Variants in KCNAB1 observed in about 807,000 individuals in gnomAD.
The protein encoded by KCNAB1 is voltage-gated potassium channel subunit beta-1.
In KCNAB1, 35 loss-of-function variants were observed where a neutral mutation model predicts 64.6. The observed-to-expected ratio is 0.54, with a 90% CI of 0.41 to 0.72. The LOEUF (loss-of-function observed/expected upper bound fraction) is 0.72, where lower values mean the gene tolerates loss of function less well. Among genes scored for constraint, KCNAB1 ranks in the 30% least tolerant of loss-of-function variants. KCNAB1 has a pLI of 0.00. For synonymous variants in KCNAB1, 177 were observed against 183.8 expected (o/e 0.96, Z 0.30); for missense variants, 401 against 512.9 (o/e 0.78, Z 2.11).
chr3:156,420,049 A>G (rs934006472), intron 1 of KCNAB1, among the ~76,000 whole-genome samples: 50 of 152,364 alleles, frequency 3.3e-4, no homozygotes, highest in African/African-American at 1.2e-3. Context: ...TATTTTCCAC[A>G]TGCATCTTTA....
intron 1 of KCNAB1, among the ~76,000 whole-genome samples, chr3:156,325,695 G>A (rs978217655): frequency 2.6e-5 from 4 of 152,090 alleles, no homozygotes; most frequent in African/African-American, 9.6e-5. Context: ...GCTCACACCT[G>A]TAATCCCATC....
intron 1 of KCNAB1, among the ~76,000 whole-genome samples, chr3:156,414,668 A>G (rs1238930617): frequency 1.3e-5 from 2 of 152,224 alleles, no homozygotes; most frequent in Non-Finnish European, 2.9e-5. Flanking sequence ...ATTCAAGTTT[A>G]TGTATCCGCA....
At chr3:156,536,118 C>T (rs1454472305) in intron 13 of KCNAB1, among the ~76,000 whole-genome samples, 2 of 152,324 alleles carry the variant, frequency 1.3e-5, no homozygotes, top group Admixed American at 6.5e-5. Context: ...GAATAAATCT[C>T]TCCTTAGTCT....
Position 156,508,463 on chromosome 3 carries a change from A to C in KCNAB1, c.659-5901A>C, listed in dbSNP as rs771301188. 1.3e-5 allele frequency among the ~76,000 whole-genome samples: 2 copies of C among 152,240 alleles called. No individual in the cohort carries two copies. The highest frequency in any genetic ancestry group is 4.8e-5 in the African/African-American group (2 of 41,458). ...CATGTGATCCAATTTAGAAAATTAA[A>C]ATATTGATCAACCAAAATTGTTTTC... On this transcript the variant is annotated intron_variant, in intron 8 of 13. Coordinates refer to ENST00000490337, the MANE Select transcript of KCNAB1 (RefSeq NM_172160.3). The surrounding 1 kb of genome is among the most constrained non-coding windows in gnomAD (Gnocchi z 4.1).
intron 1 of KCNAB1, among the ~76,000 whole-genome samples, chr3:156,140,332 A>G (rs1232911847): frequency 6.6e-6 from 1 of 152,200 alleles, no homozygotes; most frequent in East Asian, 1.9e-4. Flanking sequence ...CATAGACTTA[A>G]TGGCTTAAAC....
At chr3:156,373,316 A>C (rs1272479564) in intron 1 of KCNAB1, among the ~76,000 whole-genome samples, 1 of 152,230 alleles carries the variant, frequency 6.6e-6, no homozygotes, top group African/African-American at 2.4e-5. Flanking sequence ...TCCTGAGACC[A>C]GGGTATATGA....
intron 1 of KCNAB1, among the ~76,000 whole-genome samples, chr3:156,379,407 GT>G (rs1251583765): frequency 6.6e-6 from 1 of 151,978 alleles, no homozygotes; most frequent in Non-Finnish European, 1.5e-5. Flanking sequence ...GAAAAGGAAG[GT>G]GGATGAGGGT....
At chr3:156,535,016 A>C (rs918799137) in intron 13 of KCNAB1, among the ~76,000 whole-genome samples, 15 of 142,408 alleles carry the variant, frequency 1.1e-4, no homozygotes, top group Non-Finnish European at 2.0e-4. Context: ...TATTTTAGAC[A>C]AAAAAAAAAA....
At position 156,416,133 on chromosome 3, in the gene KCNAB1, C is replaced by A. The variant is rs189370792; in HGVS notation, c.276-5483C>A. Among the ~76,000 whole-genome samples, 81 of 152,298 alleles carry A rather than the reference C, an allele frequency of 5.3e-4. 1 individual carries two copies. The highest frequency in any genetic ancestry group is 1.3e-4 in the Non-Finnish European group (9 of 67,992). ...CCCCATCCTCTCCACTCCACTAAAT[C>A]CGATTTCAAGGTAGCACCATTTCTC... On this transcript the variant is annotated intron_variant, in intron 1 of 13. Coordinates refer to ENST00000490337, the MANE Select transcript of KCNAB1 (RefSeq NM_172160.3).
chr3:156,500,617 A>G (rs1716336722), intron 8 of KCNAB1, among the ~76,000 whole-genome samples: 2 of 152,084 alleles, frequency 1.3e-5, no homozygotes, highest in Admixed American at 6.6e-5. Flanking sequence ...ATCTTTCCAC[A>G]TGTTGCTGAT....
chr3:156,309,384 A>G (rs560265771), intron 1 of KCNAB1, among the ~76,000 whole-genome samples: 43 of 152,338 alleles, frequency 2.8e-4, no homozygotes, highest in African/African-American at 9.1e-4. Context: ...TTTATGTGGC[A>G]GTGGGAAGCC....
chr3:156,504,754 T>TG (rs937478791), intron 8 of KCNAB1, among the ~76,000 whole-genome samples: 12 of 150,560 alleles, frequency 8.0e-5, no homozygotes, highest in South Asian at 2.1e-4. Flanking sequence ...TTTTTTTGTT[T>TG]TTTTTTTTTT....
At chr3:156,419,986 A>G (rs1266235347) in intron 1 of KCNAB1, among the ~76,000 whole-genome samples, 1 of 152,264 alleles carries the variant, frequency 6.6e-6, no homozygotes, top group African/African-American at 2.4e-5. Context: ...TCTTATAAAA[A>G]TTATGTTCAC....
chr3:156,349,768 T>A (rs1471147321), intron 1 of KCNAB1, among the ~76,000 whole-genome samples: 1 of 152,196 alleles, frequency 6.6e-6, no homozygotes, highest in Non-Finnish European at 1.5e-5. Context: ...TTTCACTATG[T>A]TGCCCAGGCT....
chr3:156,267,855 C>T (rs763246645), intron 1 of KCNAB1, among the ~76,000 whole-genome samples: 8 of 151,982 alleles, frequency 5.3e-5, no homozygotes, highest in Middle Eastern at 6.3e-3. Context: ...TCAAGGTAAT[C>T]ACCTTGAGCA....
intron 1 of KCNAB1, among the ~76,000 whole-genome samples, chr3:156,204,394 G>A (rs896144019): frequency 6.6e-6 from 1 of 151,978 alleles, no homozygotes; most frequent in African/African-American, 2.4e-5. Flanking sequence ...TATGACTCAG[G>A]GTTTGGTAGG....
At chr3:156,317,791 C>A (rs950016231) in intron 1 of KCNAB1, among the ~76,000 whole-genome samples, 9 of 152,140 alleles carry the variant, frequency 5.9e-5, no homozygotes, top group Non-Finnish European at 1.0e-4. Flanking sequence ...AGCTGAAACA[C>A]GTAACCATTA....
At chr3:156,337,053 C>T (rs1723762023) in intron 1 of KCNAB1, among the ~76,000 whole-genome samples, 1 of 152,176 alleles carries the variant, frequency 6.6e-6, no homozygotes, top group African/African-American at 2.4e-5. Flanking sequence ...ACCTTATTAT[C>T]CCAACTTTTT....
intron 1 of KCNAB1, among the ~76,000 whole-genome samples, chr3:156,156,685 G>A (rs933819148): frequency 1.3e-5 from 2 of 152,156 alleles, no homozygotes; most frequent in Non-Finnish European, 1.5e-5. Flanking sequence ...AGATTTCAGG[G>A]GAGTGGATCT....
Sources: gnomAD v4.1 joint callset for allele counts (sites outside exome capture counted in the v4.1 genomes callset) on GRCh38, gnomAD v4.1.1 for gene constraint, Gnocchi (gnomAD v3.1) non-coding constraint, MANE v1.5 for transcripts, NCBI Gene and HGNC (gene_info 2026-07-23, HGNC 2026-07-21) for gene names.